NOTCH2NLR: variants seen among roughly 807,000 people sequenced by gnomAD.
NOTCH2NLR encodes notch 2 N-terminal like R.
NOTCH2NLR carries 33 observed loss-of-function variants against 35.6 expected under a neutral mutation model. The ratio of observed to expected loss-of-function variants is 0.93; its 90% confidence interval spans 0.70 to 1.24. NOTCH2NLR has a LOEUF of 1.24. Ranked by LOEUF, NOTCH2NLR falls within the 50% of genes most tolerant of loss-of-function variation. The pLI is 0.00. For missense variants in NOTCH2NLR, 276 were observed against 362.2 expected, an observed-to-expected ratio of 0.76 and a Z score of 1.93; for synonymous variants, 103 against 141.0, an observed-to-expected ratio of 0.73 and a Z score of 1.91.
exon 4 of NOTCH2NLR, chr1:120,793,237 C>A: frequency 6.9e-7 from 1 of 1,440,330 alleles, no homozygotes; most frequent in Non-Finnish European, 9.3e-7. Context: ...CTGTGGCCAA[C>A]CAGTTCTCCT....
rs1459131436 is a variant in NOTCH2NLR, at chr1:120,767,795, G to A, written c.155+4086G>A. On this transcript the variant is annotated intron_variant, in intron 2 of 4. Coordinates refer to ENST00000624419, the Ensembl canonical transcript of NOTCH2NLR. ...AATCCCAATTTGATTAAAGATCATGGACAACTCAAGTTCACTAGGATTCTG... is the reference window on the plus strand; with the variant it reads ...AATCCCAATTTGATTAAAGATCATGAACAACTCAAGTTCACTAGGATTCTG... 1.8e-5 allele frequency among the ~76,000 whole-genome samples: 2 copies of A among 112,022 alleles called. 1 individual carries two copies. Among genetic ancestry groups the A allele is most frequent in the Non-Finnish European group, 3.4e-5 (2 of 59,272 alleles). 73.5% of individuals were successfully genotyped at this position (112,022 alleles called of 152,430 possible).
At chr1:120,760,206 G>C (rs1207572249) in intron 1 of NOTCH2NLR, among the ~76,000 whole-genome samples, 1 of 37,204 alleles carries the variant, frequency 2.7e-5, no homozygotes, top group East Asian at 5.3e-4. Context: ...TTTTTTTTTT[G>C]AGATGGAGTC....
rs1408200911 is a variant in NOTCH2NLR, at chr1:120,728,423, A to T, written c.73+4173A>T. ...TTTCCCTTCCCCAGATGTTTCATTTAAACTTGTAATTTTGAATTTCTTTGT... is the reference window on the plus strand; with the variant it reads ...TTTCCCTTCCCCAGATGTTTCATTTTAACTTGTAATTTTGAATTTCTTTGT... On this transcript the variant is annotated intron_variant, in intron 1 of 4. Coordinates refer to ENST00000624419, the Ensembl canonical transcript of NOTCH2NLR. Among the ~76,000 whole-genome samples the T allele has an allele frequency of 1.6e-4, 18 of 110,518 alleles. 3 individuals are homozygous for T. The highest frequency in any genetic ancestry group is 1.7e-4 in the Admixed American group (2 of 11,430). The allele number at this position is 110,518 out of a possible 152,430, so 72.5% of individuals were successfully genotyped here. A position where few individuals can be genotyped will look rare whatever the true frequency, so the allele number is the denominator to read the frequency against.
Position 120,724,195 on chromosome 1 carries a change from C to T in NOTCH2NLR, c.18C>T (p.Pro6=). The change falls in exon 1 of 5, where the codon CCC becomes CCT. Residue 6 remains proline, a synonymous_variant. Transcript: ENST00000624419. Reference sequence around the variant, plus strand: ...CCGAGAAGATGCCCGCCCTGCGTCCCGCTCTGCTGTGGGCGCTGCTGGCGC... The same window carrying T: ...CCGAGAAGATGCCCGCCCTGCGTCCTGCTCTGCTGTGGGCGCTGCTGGCGC... The T allele has an allele frequency of 2.9e-6, 4 of 1,401,210 alleles. 1 individual carries two copies. Among genetic ancestry groups the T allele is most frequent in the Non-Finnish European group, 3.7e-6 (4 of 1,068,372 alleles). The allele number at this position is 1,401,210 out of a possible 1,614,324, so 86.8% of individuals were successfully genotyped here. A position where few individuals can be genotyped will look rare whatever the true frequency, so the allele number is the denominator to read the frequency against.
chr1:120,768,206 T>A (rs1651215638), intron 2 of NOTCH2NLR, among the ~76,000 whole-genome samples: 1 of 114,508 alleles, frequency 8.7e-6, no homozygotes, highest in Admixed American at 8.3e-5. Context: ...ATAGGGCTCT[T>A]ATTCCCAAGA....
At position 120,778,610 on chromosome 1, in the gene NOTCH2NLR, TA is replaced by T. The variant is rs1207692493; in HGVS notation, c.156-6342del. Among the ~76,000 whole-genome samples the T allele has an allele frequency of 9.1e-3, 347 of 37,924 alleles. 33 individuals carry two copies. Among genetic ancestry groups the T allele is most frequent in the South Asian group, 0.048 (65 of 1,364 alleles). 24.9% of individuals were successfully genotyped at this position (37,924 alleles called of 152,430 possible). On this transcript the variant is annotated intron_variant, in intron 2 of 4. Transcript: ENST00000624419. ...TTTTTGAATGGCCAAATCCTCGTTT[TA>T]AAAAAAAAAAAAAAAAAAAAAGCTA...
At position 120,793,526 on chromosome 1, in the gene NOTCH2NLR, G is replaced by T; in HGVS notation, c.751+30G>T. ...GGAGCTCCCTAGTGTCCCAGGATTAGGGGACAAACCCCTAGCACAGGAGGT... is the reference window on the plus strand; with the variant it reads ...GGAGCTCCCTAGTGTCCCAGGATTATGGGACAAACCCCTAGCACAGGAGGT... On this transcript the variant is annotated intron_variant, in intron 4 of 4. Coordinates refer to ENST00000624419, the Ensembl canonical transcript of NOTCH2NLR. 12 of 1,127,380 alleles carry T rather than the reference G, an allele frequency of 1.1e-5. 1 individual carries two copies. Among genetic ancestry groups the T allele is most frequent in the Non-Finnish European group, 7.5e-6 (6 of 800,898 alleles). The allele number at this position is 1,127,380 out of a possible 1,614,324, so 69.8% of individuals were successfully genotyped here.
chr1:120,793,601 A>C lies in NOTCH2NLR; in HGVS notation c.751+105A>C. The C allele has an allele frequency of 3.6e-5, 32 of 885,912 alleles. 6 individuals carry two copies. The South Asian group carries it at 4.5e-4, about 13-fold the overall frequency. 54.9% of individuals were successfully genotyped at this position (885,912 alleles called of 1,614,324 possible). A position where few individuals can be genotyped will look rare whatever the true frequency, so the allele number is the denominator to read the frequency against. ...TTTAGGAAGCGCAAGGAAAAAGGGA[A>C]GTGAGAATTTTGTGTGGGGTGGGTT... On this transcript the variant is annotated intron_variant, in intron 4 of 4. Transcript: ENST00000624419.
At position 120,779,205 on chromosome 1, in the gene NOTCH2NLR, CT is replaced by C. The variant is rs1168511703; in HGVS notation, c.156-5757del. 6.5e-3 allele frequency among the ~76,000 whole-genome samples: 6 copies of C among 928 alleles called. 1 individual carries two copies. The highest frequency in any genetic ancestry group is 0.021 in the Admixed American group (2 of 96). The allele number at this position is 928 out of a possible 152,430, so 0.6% of individuals were successfully genotyped here. The stretch of plus-strand genomic sequence containing the variant: ...GGACCTCTCAATGTCAGAAATGACA[CT>C]TTTTTTTTTTTGAGATGGGGTTAGG... On this transcript the variant is annotated intron_variant, in intron 2 of 4. Transcript: ENST00000624419.
chr1:120,790,558 TTC>T (rs1651477942), intron 3 of NOTCH2NLR, among the ~76,000 whole-genome samples: 1 of 101,322 alleles, frequency 9.9e-6, no homozygotes, highest in Non-Finnish European at 1.8e-5. Context: ...CTTTCTTTCT[TTC>T]TTTCTTTCTT....
intron 1 of NOTCH2NLR, among the ~76,000 whole-genome samples, chr1:120,748,138 T>A (rs1244913090): frequency 2.0e-5 from 1 of 51,076 alleles, no homozygotes; most frequent in South Asian, 4.8e-4. Context: ...TTTTTTTTTT[T>A]AAAGTCTTTC....
rs1434215345 is a variant in NOTCH2NLR at position 120,756,654 on chromosome 1, CTTAA to C, written c.74-6970_74-6967del. Among the ~76,000 whole-genome samples, 4 of 117,932 alleles carry C rather than the reference CTTAA, an allele frequency of 3.4e-5. 1 individual carries two copies. The highest frequency in any genetic ancestry group is 6.5e-5 in the Non-Finnish European group (4 of 61,378). The allele number at this position is 117,932 out of a possible 152,430, so 77.4% of individuals were successfully genotyped here. A position where few individuals can be genotyped will look rare whatever the true frequency, so the allele number is the denominator to read the frequency against. On this transcript the variant is annotated intron_variant, in intron 1 of 4. Coordinates refer to ENST00000624419, the Ensembl canonical transcript of NOTCH2NLR. Reference sequence around the variant, plus strand: ...CAGATTACACTGGCTGAAGTACAGACTTAATTACTCATGTTAGAGATTCCTAAAA... The same window carrying C: ...CAGATTACACTGGCTGAAGTACAGACTTACTCATGTTAGAGATTCCTAAAA...
At position 120,784,910 on chromosome 1, in the gene NOTCH2NLR, A is replaced by T. The variant is rs1437716345; in HGVS notation, c.156-64A>T. The T allele has an allele frequency of 2.5e-5, 25 of 1,010,496 alleles. 5 individuals are homozygous for T. The East Asian group carries it at 6.1e-4, about 25-fold the overall frequency. 62.6% of individuals were successfully genotyped at this position (1,010,496 alleles called of 1,614,324 possible). The stretch of plus-strand genomic sequence containing the variant: ...TTTCTTGATTGGACTGTATTGTTTT[A>T]CTGTAATTTTTTGGACTTACAAGAA... On this transcript the variant is annotated intron_variant, in intron 2 of 4. Transcript: ENST00000624419.
At position 120,728,528 on chromosome 1, in the gene NOTCH2NLR, G is replaced by A. The variant is rs1311820237; in HGVS notation, c.73+4278G>A. 4.3e-5 allele frequency among the ~76,000 whole-genome samples: 5 copies of A among 116,408 alleles called. 1 individual carries two copies. The highest frequency in any genetic ancestry group is 8.2e-5 in the Admixed American group (1 of 12,142). The allele number at this position is 116,408 out of a possible 152,430, so 76.4% of individuals were successfully genotyped here. A position where few individuals can be genotyped will look rare whatever the true frequency, so the allele number is the denominator to read the frequency against. On this transcript the variant is annotated intron_variant, in intron 1 of 4. Transcript: ENST00000624419. ...TTGACTTTGGAATCTCACTTCAAAG[G>A]CACTGCCATCCACCCCCTGCCTCTC...
rs1425968559 is a variant in NOTCH2NLR at position 120,789,981 on chromosome 1, C to T, written c.416-3180C>T. On this transcript the variant is annotated intron_variant, in intron 3 of 4. Transcript: ENST00000624419. ...TCCTTGTTGTTAAGAAGGATCTCTTCTTGGTGTGTTCTGCAAGATTCTGAT... is the reference window on the plus strand; with the variant it reads ...TCCTTGTTGTTAAGAAGGATCTCTTTTTGGTGTGTTCTGCAAGATTCTGAT... Among the ~76,000 whole-genome samples, 10 of 73,048 alleles carry T rather than the reference C, an allele frequency of 1.4e-4. 2 individuals are homozygous for T. Among genetic ancestry groups the T allele is most frequent in the Non-Finnish European group, 2.4e-4 (10 of 41,952 alleles). 47.9% of individuals were successfully genotyped at this position (73,048 alleles called of 152,430 possible). A position where few individuals can be genotyped will look rare whatever the true frequency, so the allele number is the denominator to read the frequency against.
At chr1:120,765,724 C>T (rs1651183806) in intron 2 of NOTCH2NLR, among the ~76,000 whole-genome samples, 1 of 115,870 alleles carries the variant, frequency 8.6e-6, no homozygotes, top group Non-Finnish European at 1.8e-5. Context: ...AGACTTGGAA[C>T]CAACCCAAAT....
At chr1:120,791,402 G>T (rs1391845600) in intron 3 of NOTCH2NLR, among the ~76,000 whole-genome samples, 1 of 108,400 alleles carries the variant, frequency 9.2e-6, no homozygotes, top group Non-Finnish European at 1.7e-5. Context: ...CAGCCCAAAT[G>T]TCCATCAATG....
chr1:120,763,693 G>A lies in NOTCH2NLR; in HGVS notation c.139G>A (p.Gly47Ser), dbSNP rs1651157784. ...AGGAATGTGTGTTACCTACCACAGTGGCACAGGATACTGCAAGTAAGTTTT... is the reference window on the plus strand; with the variant it reads ...AGGAATGTGTGTTACCTACCACAGTAGCACAGGATACTGCAAGTAAGTTTT... Residue 47 changes from glycine (G) to serine (S), a missense_variant, in exon 2 of 5, where the codon GGC becomes AGC. Physicochemically the swap from Gly to Ser is moderately conservative, Grantham distance 56. Coordinates refer to ENST00000624419, the Ensembl canonical transcript of NOTCH2NLR. 20 of 1,387,814 alleles carry A rather than the reference G, an allele frequency of 1.4e-5. 6 individuals carry two copies. The highest frequency in any genetic ancestry group is 1.9e-5 in the Non-Finnish European group (20 of 1,031,728). The allele number at this position is 1,387,814 out of a possible 1,614,324, so 86.0% of individuals were successfully genotyped here. A position where few individuals can be genotyped will look rare whatever the true frequency, so the allele number is the denominator to read the frequency against.
rs1368106820 is a variant in NOTCH2NLR, at chr1:120,778,404, G to A, written c.156-6570G>A. ...ACTAGCCCAGAGGGAGTAAAGAGGA[G>A]CTTTAATGAGGAGCAGCTTCAGTGC... On this transcript the variant is annotated intron_variant, in intron 2 of 4. Coordinates refer to ENST00000624419, the Ensembl canonical transcript of NOTCH2NLR. Among the ~76,000 whole-genome samples the A allele has an allele frequency of 1.0e-4, 11 of 110,552 alleles. 3 individuals are homozygous for A. The South Asian group carries it at 2.3e-3, about 23-fold the overall frequency. 72.5% of individuals were successfully genotyped at this position (110,552 alleles called of 152,430 possible).
Sources: allele counts gnomAD v4.1 joint callset (sites outside exome capture counted in the v4.1 genomes callset), GRCh38; gene constraint gnomAD v4.1.1; transcripts MANE v1.5; gene names NCBI Gene and HGNC (gene_info 2026-07-23, HGNC 2026-07-21).